KANSL3: variants seen among roughly 807,000 people sequenced by gnomAD.
KANSL3 encodes NSL complex protein NSL3.
In KANSL3, 16 loss-of-function variants were observed where a neutral mutation model predicts 89.2. That is an observed-to-expected ratio of 0.18 (90% CI 0.12 to 0.27). The LOEUF (loss-of-function observed/expected upper bound fraction) is 0.27, where lower values mean the gene tolerates loss of function less well. Among genes scored for constraint, KANSL3 ranks in the 10% least tolerant of loss-of-function variants. KANSL3 has a pLI of 1.00. For missense variants in KANSL3, 879 were observed against 1,110.6 expected (o/e 0.79, Z 2.96); for synonymous variants, 385 against 419.7 (o/e 0.92, Z 1.01).
intron 17 of KANSL3, 136 bp from the exon 18 acceptor site, chr2:96,602,998 G>C: frequency 1.4e-6 from 1 of 710,992 alleles, no homozygotes; most frequent in South Asian, 1.8e-5. Context: ...TCAGAGAGAA[G>C]GCAGGAAGCT....
chr2:96,592,653 T>A (rs575420562), downstream of KANSL3, among the ~76,000 whole-genome samples: 1 of 152,334 alleles, frequency 6.6e-6, no homozygotes, highest in African/African-American at 2.4e-5. Context: ...GTTCCAGTAC[T>A]GCTTCTGCCA....
chr2:96,621,606 G>A (rs886652109), intron 3 of KANSL3, among the ~76,000 whole-genome samples: 17 of 150,658 alleles, frequency 1.1e-4, no homozygotes, highest in Non-Finnish European at 2.2e-4. Flanking sequence ...GAGGAGTCCA[G>A]AAGTTCAAGT....
chr2:96,609,458 G>A lies in KANSL3; in HGVS notation c.1383+41C>T, dbSNP rs1347264502. 9 of 1,591,326 alleles carry A rather than the reference G, an allele frequency of 5.7e-6. No homozygotes were observed. In the East Asian group the frequency reaches 1.6e-4, roughly 28 times the overall value. On this transcript the variant is annotated intron_variant, in intron 12 of 20. Coordinates refer to ENST00000431828, the MANE Select transcript of KANSL3 (RefSeq NM_001115016.3). ...GACCAAACCTAAAAGGCTACAGAAA[G>A]GCAAGCCTAGCTGAGAAAAGCACAC...
At chr2:96,580,674 T>G in the KANSL3 span, among the ~76,000 whole-genome samples, 5 of 152,354 alleles carry the variant, frequency 3.3e-5, no homozygotes, top group South Asian at 1.0e-3. Flanking sequence ...TAGTTTCTAT[T>G]GGTGCACTTT....
chr2:96,601,822 C>G, intron 19 of KANSL3, 46 bp from the exon 20 acceptor site: 1 of 1,511,830 alleles, frequency 6.6e-7, no homozygotes, highest in Non-Finnish European at 8.8e-7. Flanking sequence ...ACACTCTCCA[C>G]CTTCTACTGA....
intron 3 of KANSL3, among the ~76,000 whole-genome samples, chr2:96,627,723 T>C (rs1378990876): frequency 1.3e-5 from 2 of 152,096 alleles, no homozygotes; most frequent in Non-Finnish European, 2.9e-5. Context: ...TGACTTTATA[T>C]AAGAAGAAAG....
intron 3 of KANSL3, 47 bp downstream of exon 3, chr2:96,631,265 A>G (rs1016406244): frequency 1.5e-6 from 2 of 1,339,034 alleles, no homozygotes; most frequent in African/African-American, 1.4e-5. Flanking sequence ...TGAAGATGAT[A>G]CAAAATAATT....
At chr2:96,614,365 A>T (rs2069565173) in intron 5 of KANSL3, among the ~76,000 whole-genome samples, 1 of 152,214 alleles carries the variant, frequency 6.6e-6, no homozygotes, top group African/African-American at 2.4e-5. Flanking sequence ...AAGTGCTGGG[A>T]TTAAAGGCAT....
chr2:96,623,417 T>C (rs1169823254), intron 3 of KANSL3, among the ~76,000 whole-genome samples: 2 of 152,210 alleles, frequency 1.3e-5, no homozygotes, highest in Non-Finnish European at 2.9e-5. Context: ...CAAGATACTC[T>C]AATTTCTACA....
intron 9 of KANSL3, among the ~76,000 whole-genome samples, chr2:96,611,911 G>A (rs1192435487): frequency 6.7e-6 from 1 of 148,330 alleles, no homozygotes; most frequent in South Asian, 2.2e-4. Context: ...ATATGTGTGT[G>A]TGTGTGTGTG....
chr2:96,611,105 A>C lies in KANSL3; in HGVS notation c.1120T>G (p.Cys374Gly). ...ACAGTAAGCAGAGGAAACCCAAGGCAGACAACTGCAGTGACATACTCCATT... is the reference window on the plus strand; with the variant it reads ...ACAGTAAGCAGAGGAAACCCAAGGCCGACAACTGCAGTGACATACTCCATT... The part of the protein sequence containing the change: ...SVMEYVTAVV[C>G]LGFPLLTVDG... Residue 374 changes from cysteine to glycine, a missense_variant, in exon 10 of 21, where the codon TGC (cysteine) becomes GGC (glycine). By Grantham distance (159) the Cys-to-Gly change is radical. Around this residue, in one of 6 missense-constraint regions of KANSL3, gnomAD observed 198 missense variants for 260.3 expected, o/e 0.76. Transcript: ENST00000431828. 1 of 1,614,032 alleles carries C rather than the reference A, an allele frequency of 6.2e-7. No homozygotes were observed. Among genetic ancestry groups the C allele is most frequent in the Non-Finnish European group, 8.5e-7 (1 of 1,179,860 alleles).
At chr2:96,617,187 T>C (rs1314508687) in intron 5 of KANSL3, among the ~76,000 whole-genome samples, 1 of 152,136 alleles carries the variant, frequency 6.6e-6, no homozygotes, top group Non-Finnish European at 1.5e-5. Context: ...AGGGGAGCAG[T>C]ACAGGGGAAA....
At chr2:96,626,302 T>C (rs1326432748) in intron 3 of KANSL3, among the ~76,000 whole-genome samples, 1 of 135,828 alleles carries the variant, frequency 7.4e-6, no homozygotes, top group African/African-American at 2.8e-5. Flanking sequence ...TTTCAGATTA[T>C]AAAATTCTTT....
chr2:96,618,202 TTC>T (rs1437174243), intron 5 of KANSL3, among the ~76,000 whole-genome samples: 1 of 148,014 alleles, frequency 6.8e-6, no homozygotes, highest in African/African-American at 2.6e-5. Flanking sequence ...ATTGATTTGG[TTC>T]TTTCTCTTCT....
intron 11 of KANSL3, 170 bp downstream of exon 11, chr2:96,610,556 C>T (rs1558697352): frequency 3.4e-6 from 2 of 584,174 alleles, no homozygotes; most frequent in South Asian, 2.2e-5. Flanking sequence ...ACCTCGTGAT[C>T]CGCCTGCCTC....
At chr2:96,598,025 C>G in intron 20 of KANSL3, 7 of 819,418 alleles carry the variant, frequency 8.5e-6, no homozygotes, top group Non-Finnish European at 1.0e-5. Flanking sequence ...ATGACCTCTA[C>G]TCTCTTCTCA....
At chr2:96,632,260 A>C (rs1015289880) in intron 2 of KANSL3, among the ~76,000 whole-genome samples, 2 of 152,136 alleles carry the variant, frequency 1.3e-5, no homozygotes, top group African/African-American at 4.8e-5. Context: ...TTAAGCCCAG[A>C]AGTTCAAGAC....
intron 15 of KANSL3, 33 bp from the exon 16 acceptor site, chr2:96,604,896 A>C (rs2067743024): frequency 6.5e-7 from 1 of 1,546,514 alleles, no homozygotes; most frequent in Non-Finnish European, 8.8e-7. Context: ...GCCCCTGGTC[A>C]GTCCTATTTG....
rs1229361455 is a variant in KANSL3, at chr2:96,608,490, C to T, written c.1741+18G>A. 2.5e-6 allele frequency: 4 copies of T among 1,613,692 alleles called. No homozygotes were observed. Among genetic ancestry groups the T allele is most frequent in the Non-Finnish European group, 3.4e-6 (4 of 1,179,622 alleles). On this transcript the variant is annotated intron_variant, in intron 14 of 20. Transcript: ENST00000431828. ...CAGAAGACAGACCCAAGAGGAGCCA[C>T]TGGCCAAGTGCCTATACCTTGAGCT...
Sources: allele counts gnomAD v4.1 joint callset (sites outside exome capture counted in the v4.1 genomes callset), GRCh38; gene constraint gnomAD v4.1.1; regional missense constraint gnomAD v4.1.1; transcripts MANE v1.5; gene names NCBI Gene and HGNC (gene_info 2026-07-23, HGNC 2026-07-21).